The following KAT2B variants were observed in gnomAD, a reference collection of about 807,000 sequenced individuals.
The protein encoded by KAT2B is histone acetyltransferase KAT2B.
In KAT2B, 36 loss-of-function variants were observed where a neutral mutation model predicts 105.9. That is an observed-to-expected ratio of 0.34 (90% CI 0.26 to 0.45). The LOEUF (loss-of-function observed/expected upper bound fraction) is 0.45. Among genes scored for constraint, KAT2B ranks in the 20% least tolerant of loss-of-function variants. The pLI, the probability that KAT2B is intolerant of heterozygous loss-of-function variation, is 1.00. For missense variants in KAT2B, 820 were observed against 1,021.6 expected (o/e 0.80, Z 2.69); for synonymous variants, 397 against 377.9 (o/e 1.05, Z -0.59).
At chr3:20,059,952 T>TCTGGATG (rs1370010125) in intron 1 of KAT2B, among the ~76,000 whole-genome samples, 1 of 152,192 alleles carries the variant, frequency 6.6e-6, no homozygotes, top group Non-Finnish European at 1.5e-5. Flanking sequence ...ATTTGCCTTT[T>TCTGGATG]CTGGATGGTC....
chr3:20,144,569 G>A (rs1187854675), intron 13 of KAT2B, among the ~76,000 whole-genome samples: 1 of 150,472 alleles, frequency 6.6e-6, no homozygotes, highest in Non-Finnish European at 1.5e-5. Flanking sequence ...GATTACAGGC[G>A]TGAGCCACCA....
intron 1 of KAT2B, among the ~76,000 whole-genome samples, chr3:20,046,082 T>G (rs1697805789): frequency 6.6e-6 from 1 of 152,074 alleles, no homozygotes; most frequent in South Asian, 2.1e-4. Context: ...ACCTTAAAGT[T>G]AAAAGAAAAA....
intron 1 of KAT2B, among the ~76,000 whole-genome samples, chr3:20,062,928 C>CAAATTCTTTATATATTT (rs1698163053): frequency 6.6e-6 from 1 of 151,974 alleles, no homozygotes; most frequent in Non-Finnish European, 1.5e-5. Context: ...GGATATTAAC[C>CAAATTCTTTATATATTT]TGTTATCAAA....
chr3:20,099,421 A>G (rs1289580542), intron 3 of KAT2B, among the ~76,000 whole-genome samples: 3 of 152,198 alleles, frequency 2.0e-5, no homozygotes, highest in Non-Finnish European at 4.4e-5. Context: ...ACGTCTTTAA[A>G]TAAGATCCTC....
At chr3:20,054,608 C>T (rs539009682) in intron 1 of KAT2B, among the ~76,000 whole-genome samples, 3 of 152,272 alleles carry the variant, frequency 2.0e-5, no homozygotes, top group Admixed American at 6.5e-5. Flanking sequence ...GTACTCTTGG[C>T]TTGTGCAGCT....
intron 2 of KAT2B, among the ~76,000 whole-genome samples, chr3:20,093,552 G>C (rs1178483514): frequency 6.6e-6 from 1 of 152,124 alleles, no homozygotes; most frequent in Non-Finnish European, 1.5e-5. Flanking sequence ...CCAGGCTTCT[G>C]ACTGAGCATT....
intron 1 of KAT2B, among the ~76,000 whole-genome samples, chr3:20,047,900 G>A (rs1266215529): frequency 6.6e-6 from 1 of 152,156 alleles, no homozygotes; most frequent in Non-Finnish European, 1.5e-5. Context: ...ACAGGCATGA[G>A]CCACCACACA....
chr3:20,118,726 CA>C (rs202106321), intron 7 of KAT2B, among the ~76,000 whole-genome samples: 29,895 of 90,164 alleles, frequency 0.33, 4,083 homozygotes, highest in East Asian at 0.62. Flanking sequence ...AACTTTGTCT[CA>C]AAAAAAAAAA....
intron 5 of KAT2B, among the ~76,000 whole-genome samples, chr3:20,103,170 T>C (rs1698938499): frequency 1.3e-5 from 2 of 152,208 alleles, no homozygotes; most frequent in African/African-American, 2.4e-5. Context: ...AGTTCTGTAT[T>C]ATTGAAACTC....
chr3:20,136,964 A>G lies in KAT2B; in HGVS notation c.1772A>G (p.Asn591Ser). 6.2e-7 allele frequency: 1 copy of G among 1,606,942 alleles called. No homozygotes were observed. ...QVKGYGTHLM[N>S]HLKEYHIKHD... ...CAGGGCTATGGAACACACCTGATGA[A>G]TCATTTGAAAGAATATCACATAAAG... Residue 591 changes from asparagine to serine, a missense_variant, in exon 12 of 18, where the codon AAT (asparagine) becomes AGT (serine). This residue lies in a region of KAT2B where 227 missense variants were observed against 292.9 expected (regional missense o/e 0.77). Coordinates refer to ENST00000263754, the MANE Select transcript of KAT2B (RefSeq NM_003884.5).
At position 20,072,373 on chromosome 3, in the gene KAT2B, A is replaced by G. The variant is rs761510735; in HGVS notation, c.344A>G (p.Asn115Ser). Residue 115 changes from asparagine (N) to serine (S), a missense_variant, in exon 2 of 18, where the codon AAC (asparagine) becomes AGC (serine). Coordinates refer to ENST00000263754, the MANE Select transcript of KAT2B (RefSeq NM_003884.5). ...AAATGTAATGGCTGGAAAAACCCTAACCCCTCACCCACTCCCCCCAGAGCC... is the reference window on the plus strand; with the variant it reads ...AAATGTAATGGCTGGAAAAACCCTAGCCCCTCACCCACTCCCCCCAGAGCC... ...SCKCNGWKNP[N>S]PSPTPPRADL... 13 of 1,612,574 alleles carry G rather than the reference A, an allele frequency of 8.1e-6. No individual in the cohort carries two copies. The South Asian group carries it at 1.4e-4, about 18-fold the overall frequency.
chr3:20,040,803 C>A, intron 1 of KAT2B, 23 bp downstream of exon 1: 1 of 1,576,444 alleles, frequency 6.3e-7, no homozygotes, highest in Non-Finnish European at 8.6e-7. Flanking sequence ...CGCTCTCGGA[C>A]CGCGGATGGG....
intron 1 of KAT2B, among the ~76,000 whole-genome samples, chr3:20,052,192 C>T (rs969241414): frequency 2.3e-4 from 35 of 152,334 alleles, no homozygotes; most frequent in Admixed American, 9.2e-4. Context: ...CCTGACTCTC[C>T]GGTCTAAAGT....
chr3:20,078,169 G>A (rs1417039277), intron 2 of KAT2B, among the ~76,000 whole-genome samples: 1 of 151,940 alleles, frequency 6.6e-6, no homozygotes, highest in Admixed American at 6.6e-5. Context: ...GGCAGAGTGA[G>A]GCCCTGTCTC....
intron 2 of KAT2B, among the ~76,000 whole-genome samples, chr3:20,087,131 A>G (rs1274668469): frequency 6.6e-6 from 1 of 152,178 alleles, no homozygotes. Context: ...AATGAGTTCT[A>G]GTGTTCTATG....
intron 13 of KAT2B, among the ~76,000 whole-genome samples, chr3:20,144,888 C>T (rs1251148035): frequency 6.6e-6 from 1 of 151,978 alleles, no homozygotes; most frequent in African/African-American, 2.4e-5. Flanking sequence ...CTCCACCTCC[C>T]AGGTTCAAGC....
chr3:20,152,635 GTAA>G lies in KAT2B; in HGVS notation c.*115_*117del. 3 of 776,878 alleles carry G rather than the reference GTAA, an allele frequency of 3.9e-6. No individual in the cohort carries two copies. In the Admixed American group the frequency reaches 8.2e-5, roughly 21 times the overall value. The allele number at this position is 776,878 out of a possible 1,614,324, so 48.1% of individuals were successfully genotyped here. ...TGATGTATTGAAGAGACTTGTAAAT[GTAA>G]TAATTAGCACTTTTGAAAAAACAAA... On this transcript the variant is annotated 3_prime_UTR_variant, in exon 18 of 18. Coordinates refer to ENST00000263754, the MANE Select transcript of KAT2B (RefSeq NM_003884.5).
intron 14 of KAT2B, among the ~76,000 whole-genome samples, chr3:20,146,757 C>A (rs1002984243): frequency 6.6e-6 from 1 of 152,092 alleles, no homozygotes. Context: ...ATGGGGAAAT[C>A]GAGTTCCAAA....
At chr3:20,145,598 C>T (rs1335950569) in intron 13 of KAT2B, among the ~76,000 whole-genome samples, 2 of 127,918 alleles carry the variant, frequency 1.6e-5, no homozygotes, top group East Asian at 2.2e-4. Flanking sequence ...GATAACCTCA[C>T]TGTCTTGGAA....
Sources: gnomAD v4.1 joint callset for allele counts (sites outside exome capture counted in the v4.1 genomes callset) on GRCh38, gnomAD v4.1.1 for gene constraint, gnomAD v4.1.1 regional missense constraint, MANE v1.5 for transcripts, NCBI Gene and HGNC (gene_info 2026-07-23, HGNC 2026-07-21) for gene names.